The following MAP3K7CL variants were observed in gnomAD, a reference collection of about 807,000 sequenced individuals.
MAP3K7CL encodes MAP3K7 C-terminal like.
A neutral mutation model predicts 18.6 loss-of-function variants in MAP3K7CL; 16 were observed. That is an observed-to-expected ratio of 0.86 (90% confidence interval 0.58 to 1.31). MAP3K7CL has a LOEUF of 1.31. Ranked by LOEUF, MAP3K7CL falls within the 50% of genes most tolerant of loss-of-function variation. The pLI is 0.00. For missense variants in MAP3K7CL, 163 were observed against 174.4 expected (o/e 0.93, Z 0.37); for synonymous variants, 65 against 66.8 (o/e 0.97, Z 0.13).
upstream of MAP3K7CL, among the ~76,000 whole-genome samples, chr21:29,126,040 A>C (rs1013529549): frequency 3.9e-5 from 6 of 152,180 alleles, no homozygotes; most frequent in Non-Finnish European, 7.4e-5. Context: ...ATCTGACAAA[A>C]TTTTTTTATG....
At chr21:29,102,971 G>C (rs1408779782) in intron 4 of MAP3K7CL, among the ~76,000 whole-genome samples, 2 of 152,286 alleles carry the variant, frequency 1.3e-5, no homozygotes, top group East Asian at 1.9e-4. Flanking sequence ...GCCCCCACCA[G>C]CTAACAGATC....
chr21:29,156,706 A>G (rs1391161588), intron 3 of MAP3K7CL, among the ~76,000 whole-genome samples: 1 of 152,252 alleles, frequency 6.6e-6, no homozygotes, highest in Non-Finnish European at 1.5e-5. Context: ...ACATCACATT[A>G]TTCTATAGTG....
At chr21:29,170,865 C>T (rs2087809527) in intron 4 of MAP3K7CL, among the ~76,000 whole-genome samples, 3 of 151,966 alleles carry the variant, frequency 2.0e-5, no homozygotes, top group South Asian at 4.2e-4. Context: ...TCTCAAACTC[C>T]TGACCTCAAG....
At chr21:29,119,006 T>C (rs2086549310) in intron 4 of MAP3K7CL, among the ~76,000 whole-genome samples, 1 of 152,182 alleles carries the variant, frequency 6.6e-6, no homozygotes, top group Non-Finnish European at 1.5e-5. Context: ...TTTTATGAGA[T>C]GTGTTTGCAT....
upstream of MAP3K7CL, among the ~76,000 whole-genome samples, chr21:29,081,552 CAAAA>C (rs751626889): frequency 1.4e-5 from 2 of 142,418 alleles, no homozygotes; most frequent in Admixed American, 1.4e-4. Context: ...GACTCCGTCT[CAAAA>C]AAAAAAAAAT....
chr21:29,108,928 G>C (rs1475985356), intron 4 of MAP3K7CL: 1 of 963,700 alleles, frequency 1.0e-6, no homozygotes, highest in Non-Finnish European at 1.5e-6. Flanking sequence ...TAGTCAAAAT[G>C]AGAAATGCAT....
upstream of MAP3K7CL, chr21:29,130,611 G>A (rs1423674762): frequency 3.0e-6 from 3 of 985,340 alleles, no homozygotes; most frequent in Non-Finnish European, 3.6e-6. Flanking sequence ...CAGGAGGAGG[G>A]TTTTCTTTTG....
intron 4 of MAP3K7CL, among the ~76,000 whole-genome samples, chr21:29,096,384 A>G (rs917312150): frequency 6.6e-6 from 1 of 152,194 alleles, no homozygotes; most frequent in Non-Finnish European, 1.5e-5. Flanking sequence ...CAAAGAGGCA[A>G]TAATAATAAT....
intron 1 of MAP3K7CL, among the ~76,000 whole-genome samples, chr21:29,086,965 TTAAAA>T (rs1320603864): frequency 6.6e-6 from 1 of 152,200 alleles, no homozygotes; most frequent in Non-Finnish European, 1.5e-5. Flanking sequence ...TGAACTGTAC[TTAAAA>T]TAAAAACCAA....
At chr21:29,173,876 A>AT (rs1355548298) in intron 4 of MAP3K7CL, among the ~76,000 whole-genome samples, 6 of 151,912 alleles carry the variant, frequency 3.9e-5, no homozygotes, top group Non-Finnish European at 7.4e-5. Flanking sequence ...TAATTTCCCA[A>AT]TTTTTTGTAG....
At chr21:29,149,803 T>C (rs1486465964) in intron 3 of MAP3K7CL, among the ~76,000 whole-genome samples, 2 of 152,258 alleles carry the variant, frequency 1.3e-5, no homozygotes, top group East Asian at 1.9e-4. Flanking sequence ...TTGAAAGATA[T>C]TTTAATACAC....
chr21:29,086,681 C>T (rs140194387), intron 1 of MAP3K7CL, among the ~76,000 whole-genome samples: 4 of 152,278 alleles, frequency 2.6e-5, no homozygotes, highest in African/African-American at 7.2e-5. Context: ...CCCACAGTAA[C>T]GAGAATCTGG....
At chr21:29,112,879 C>T (rs1361263428) in intron 4 of MAP3K7CL, among the ~76,000 whole-genome samples, 1 of 151,510 alleles carries the variant, frequency 6.6e-6, no homozygotes, top group Non-Finnish European at 1.5e-5. Context: ...CTAGAGTGCG[C>T]ACCACTGCAA....
chr21:29,159,933 T>C lies in MAP3K7CL; in HGVS notation c.133-8T>C, dbSNP rs2087502650. 1 of 1,608,490 alleles carries C rather than the reference T, an allele frequency of 6.2e-7. No individual in the cohort carries two copies. The highest frequency in any genetic ancestry group is 8.5e-7 in the Non-Finnish European group (1 of 1,176,092). ...AAATGGACTAATTTCTTCTTGTTGT[T>C]TGTGAAGCCCCTGCCGCCTTGTCAT... On this transcript the variant is annotated splice_polypyrimidine_tract_variant and splice_region_variant and intron_variant, in intron 3 of 4. Transcript: ENST00000399928.
At chr21:29,129,500 C>G (rs1312210074), upstream of MAP3K7CL, among the ~76,000 whole-genome samples, 1 of 152,198 alleles carries the variant, frequency 6.6e-6, no homozygotes, top group Non-Finnish European at 1.5e-5. Context: ...ACTTCCATAT[C>G]TTTTTGTGGC....
chr21:29,106,484 C>T (rs1373824695), intron 4 of MAP3K7CL, among the ~76,000 whole-genome samples: 1 of 152,180 alleles, frequency 6.6e-6, no homozygotes, highest in African/African-American at 2.4e-5. Context: ...AAGATAGACT[C>T]CAATAATGGG....
intron 4 of MAP3K7CL, chr21:29,108,967 A>G: frequency 7.6e-7 from 1 of 1,315,482 alleles, no homozygotes; most frequent in East Asian, 2.5e-5. Flanking sequence ...CTTGAAGGTC[A>G]ACTTGAATCT....
intron 4 of MAP3K7CL, chr21:29,109,039 G>T (rs1339645959): frequency 2.0e-6 from 3 of 1,530,130 alleles, no homozygotes; most frequent in Non-Finnish European, 2.6e-6. Context: ...CTTCCTACTA[G>T]GTTGACATTC....
chr21:29,095,998 A>C (rs2086115646), intron 4 of MAP3K7CL, among the ~76,000 whole-genome samples: 1 of 152,228 alleles, frequency 6.6e-6, no homozygotes, highest in Non-Finnish European at 1.5e-5. Flanking sequence ...GCAGCTCAGA[A>C]GCTTATTATT....
Sources: gnomAD v4.1 joint callset for allele counts (sites outside exome capture counted in the v4.1 genomes callset) on GRCh38, gnomAD v4.1.1 for gene constraint, MANE v1.5 for transcripts, NCBI Gene and HGNC (gene_info 2026-07-23, HGNC 2026-07-21) for gene names.